Variants in KCNH1 observed in about 807,000 individuals in gnomAD.
The protein encoded by KCNH1 is potassium voltage-gated channel subfamily H member 1.
In KCNH1, 27 loss-of-function variants were observed where a neutral mutation model predicts 69.2. The observed-to-expected ratio is 0.39, with a 90% CI of 0.29 to 0.54. The LOEUF is 0.54. Ranked by LOEUF, KCNH1 falls within the 20% of genes least tolerant of loss-of-function variation. The probability of loss-of-function intolerance (pLI) is 0.68; values close to 1 mark genes in which losing one functional copy is unlikely to be tolerated. For synonymous variants in KCNH1, 456 were observed against 487.7 expected (o/e 0.93, Z 0.86); for missense variants, 798 against 1,261.6 (o/e 0.63, Z 5.57).
intron 5 of KCNH1, among the ~76,000 whole-genome samples, chr1:211,024,481 C>T (rs757970054): frequency 6.6e-6 from 1 of 152,134 alleles, no homozygotes; most frequent in Non-Finnish European, 1.5e-5. Context: ...GGAGAAGATG[C>T]TAGATGAGCT....
chr1:211,059,643 T>G lies in KCNH1; in HGVS notation c.558+23137A>C, dbSNP rs369054826. ...CTGTAGTCCCAGCTACTCGGGAGGCTGAGGCAGGAGAATGGCGTGAACCCG... is the reference window on the plus strand; with the variant it reads ...CTGTAGTCCCAGCTACTCGGGAGGCGGAGGCAGGAGAATGGCGTGAACCCG... On this transcript the variant is annotated intron_variant, in intron 5 of 10. Transcript: ENST00000271751. Among the ~76,000 whole-genome samples, 46 of 151,882 alleles carry G rather than the reference T, an allele frequency of 3.0e-4. No homozygotes were observed. The East Asian group carries it at 7.0e-3, about 23-fold the overall frequency.
At chr1:210,820,985 G>C (rs534528403) in intron 7 of KCNH1, among the ~76,000 whole-genome samples, 120 of 152,280 alleles carry the variant, frequency 7.9e-4, no homozygotes, top group African/African-American at 2.6e-3. Context: ...GTTGTTTTAA[G>C]CCACCAAGTT....
chr1:210,844,249 G>A (rs1282623804), intron 7 of KCNH1, among the ~76,000 whole-genome samples: 1 of 152,198 alleles, frequency 6.6e-6, no homozygotes, highest in East Asian at 1.9e-4. Flanking sequence ...CCAGCTAGGT[G>A]CATTGGCTCA....
chr1:211,127,036 T>A (rs1691789210), intron 1 of KCNH1, among the ~76,000 whole-genome samples: 1 of 152,202 alleles, frequency 6.6e-6, no homozygotes, highest in Non-Finnish European at 1.5e-5. Flanking sequence ...TGAATCAGTA[T>A]AACATCCCTT....
intron 5 of KCNH1, among the ~76,000 whole-genome samples, chr1:211,044,182 C>G (rs1285782317): frequency 6.6e-6 from 1 of 152,088 alleles, no homozygotes; most frequent in Non-Finnish European, 1.5e-5. Context: ...GATTGTATAC[C>G]TAGAAAACCC....
At chr1:210,934,512 G>A (rs1213783671) in intron 6 of KCNH1, among the ~76,000 whole-genome samples, 9 of 152,086 alleles carry the variant, frequency 5.9e-5, no homozygotes, top group South Asian at 2.1e-4. Flanking sequence ...GGTGGCTTGC[G>A]CCTGTAGTCC....
At chr1:210,807,800 T>C (rs1684616196) in intron 7 of KCNH1, among the ~76,000 whole-genome samples, 2 of 152,174 alleles carry the variant, frequency 1.3e-5, no homozygotes, top group Non-Finnish European at 2.9e-5. Context: ...ACCACAACCA[T>C]TTCTTCCAAG....
chr1:210,713,878 T>A (rs111884085), intron 10 of KCNH1, among the ~76,000 whole-genome samples: 2,331 of 152,328 alleles, frequency 0.015, 63 homozygotes, highest in African/African-American at 0.054. Flanking sequence ...GACTGAGGCA[T>A]CTCTGAGTGG....
At chr1:210,921,045 C>T (rs1267776977) in intron 6 of KCNH1, among the ~76,000 whole-genome samples, 2 of 152,156 alleles carry the variant, frequency 1.3e-5, no homozygotes, top group Non-Finnish European at 2.9e-5. Flanking sequence ...AAACATAAAC[C>T]ACTAACTTGC....
intron 6 of KCNH1, among the ~76,000 whole-genome samples, chr1:210,984,084 G>A (rs1293105473): frequency 1.3e-5 from 2 of 152,034 alleles, no homozygotes; most frequent in Admixed American, 6.6e-5. Flanking sequence ...GTCTGTTATT[G>A]GTGTATAAGA....
intron 6 of KCNH1, among the ~76,000 whole-genome samples, chr1:210,922,403 A>C (rs28656973): frequency 3.8e-4 from 16 of 41,842 alleles, no homozygotes; most frequent in African/African-American, 4.3e-4. Context: ...AAAAAAAAAA[A>C]AAAAAAAAAA....
At chr1:210,743,353 G>A (rs978754809) in intron 10 of KCNH1, among the ~76,000 whole-genome samples, 1 of 152,180 alleles carries the variant, frequency 6.6e-6, no homozygotes, top group Non-Finnish European at 1.5e-5. Flanking sequence ...AGGCGAGGCA[G>A]CCTCACAGAA....
intron 4 of KCNH1, among the ~76,000 whole-genome samples, chr1:211,083,208 G>C (rs1021588568): frequency 6.6e-6 from 1 of 152,234 alleles, no homozygotes; most frequent in Non-Finnish European, 1.5e-5. Flanking sequence ...AAAGAGTCTA[G>C]AACATCTCTT....
chr1:210,685,719 CCCAGAT>C (rs1681394611), intron 10 of KCNH1, among the ~76,000 whole-genome samples: 2 of 129,874 alleles, frequency 1.5e-5, no homozygotes, highest in Non-Finnish European at 3.7e-5. Context: ...TTTCACAGCC[CCCAGAT>C]GAAGATGACA....
At chr1:210,727,196 A>C (rs1486408555) in intron 10 of KCNH1, among the ~76,000 whole-genome samples, 3 of 152,190 alleles carry the variant, frequency 2.0e-5, no homozygotes, top group African/African-American at 7.2e-5. Flanking sequence ...GGAGAAAAAG[A>C]GAAGTATGTA....
intron 10 of KCNH1, among the ~76,000 whole-genome samples, chr1:210,706,148 G>GA (rs34211799): frequency 0.061 from 9,211 of 152,204 alleles, 379 homozygotes; most frequent in Non-Finnish European, 0.093. Context: ...AATTCATTCT[G>GA]AAATTTCCCC....
chr1:210,736,670 G>A (rs568172956), intron 10 of KCNH1, among the ~76,000 whole-genome samples: 2 of 152,160 alleles, frequency 1.3e-5, no homozygotes, highest in African/African-American at 4.8e-5. Context: ...CTCTTAAAAT[G>A]TATACATAAA....
At chr1:210,849,097 C>T (rs1167599461) in intron 7 of KCNH1, among the ~76,000 whole-genome samples, 1 of 152,148 alleles carries the variant, frequency 6.6e-6, no homozygotes, top group Admixed American at 6.5e-5. Context: ...AGCATTGGAA[C>T]CTGGCCTTAC....
At chr1:210,816,326 A>G (rs1684815084) in intron 7 of KCNH1, among the ~76,000 whole-genome samples, 1 of 152,160 alleles carries the variant, frequency 6.6e-6, no homozygotes, top group African/African-American at 2.4e-5. Flanking sequence ...ACAGAAGGTT[A>G]TTTTCAGCTA....
Sources: gnomAD v4.1 joint callset for allele counts (sites outside exome capture counted in the v4.1 genomes callset) on GRCh38, gnomAD v4.1.1 for gene constraint, MANE v1.5 for transcripts, NCBI Gene and HGNC (gene_info 2026-07-23, HGNC 2026-07-21) for gene names.